PUS7: variants seen among roughly 807,000 people sequenced by gnomAD.
PUS7 encodes the protein pseudouridylate synthase 7 homolog.
A neutral mutation model predicts 79.8 loss-of-function variants in PUS7; 48 were observed. The observed-to-expected ratio is 0.60, with a 90% confidence interval of 0.48 to 0.76. The LOEUF (loss-of-function observed/expected upper bound fraction) is 0.76, where lower values mean the gene tolerates loss of function less well. PUS7 is among the 30% of genes least tolerant of loss of function. The pLI, the probability that PUS7 is intolerant of heterozygous loss-of-function variation, is 0.00. For synonymous variants in PUS7, 286 were observed against 272.2 expected, an observed-to-expected ratio of 1.05 and a Z score of -0.50; for missense variants, 729 against 797.6, an observed-to-expected ratio of 0.91 and a Z score of 1.04.
intron 9 of PUS7, among the ~76,000 whole-genome samples, chr7:105,480,211 C>CTT (rs1407202856): frequency 6.6e-6 from 1 of 152,144 alleles, no homozygotes; most frequent in Non-Finnish European, 1.5e-5. Context: ...GTGGCTCACA[C>CTT]TTGTAATCCC....
intron 9 of PUS7, among the ~76,000 whole-genome samples, chr7:105,474,741 A>G (rs1222064897): frequency 1.3e-5 from 2 of 152,324 alleles, no homozygotes; most frequent in East Asian, 3.9e-4. Flanking sequence ...AGATGGTGCC[A>G]CTGCACTCCA....
At chr7:105,481,227 C>A in intron 8 of PUS7, 50 bp from the exon 9 acceptor site, 1 of 1,538,282 alleles carries the variant, frequency 6.5e-7, no homozygotes, top group Non-Finnish European at 8.8e-7. Flanking sequence ...GTCAAATACT[C>A]AGGGATGCAG....
chr7:105,474,659 T>C (rs1824014336), intron 9 of PUS7, among the ~76,000 whole-genome samples: 1 of 150,490 alleles, frequency 6.6e-6, no homozygotes, highest in Non-Finnish European at 1.5e-5. Flanking sequence ...CACGTGCCTG[T>C]AGTCCCAGCT....
intron 15 of PUS7, among the ~76,000 whole-genome samples, chr7:105,458,175 G>A (rs1410139727): frequency 2.0e-5 from 3 of 152,116 alleles, no homozygotes; most frequent in East Asian, 1.9e-4. Flanking sequence ...AAAGAGAAAC[G>A]CATGTAAAGT....
rs1825547135 is a variant in PUS7, at chr7:105,508,160, T to C, written c.353A>G (p.Lys118Arg). Reference protein sequence around the residue: ...GLTEADVGITKFVSSHQGFSG... With the variant: ...GLTEADVGITRFVSSHQGFSG... ...GAACCCTTGATGAGAACTCACAAAC[T>C]TGGTGATGCCTACGTCAGCCTCAGT... The change falls in exon 2 of 16, where the codon AAG becomes AGG. Residue 118 changes from lysine (K) to arginine (R), a missense_variant. Coordinates refer to ENST00000469408, the MANE Select transcript of PUS7 (RefSeq NM_019042.5). 3 of 1,614,090 alleles carry C rather than the reference T, an allele frequency of 1.9e-6. No individual in the cohort carries two copies. Among genetic ancestry groups the C allele is most frequent in the African/African-American group, 2.7e-5 (2 of 74,938 alleles).
At chr7:105,518,349 T>C (rs1825973232) in intron 1 of PUS7, among the ~76,000 whole-genome samples, 1 of 151,830 alleles carries the variant, frequency 6.6e-6, no homozygotes, top group Non-Finnish European at 1.5e-5. Context: ...TAACAAAAAT[T>C]AAGTTTAGCA....
intron 7 of PUS7, among the ~76,000 whole-genome samples, chr7:105,488,935 T>C (rs186688955): frequency 0.011 from 1,720 of 151,922 alleles, 37 homozygotes; most frequent in African/African-American, 0.04. Context: ...GATCACGAGG[T>C]CAGGAGATCG....
At chr7:105,476,416 G>GCTAC (rs1190975419) in intron 9 of PUS7, among the ~76,000 whole-genome samples, 10 of 152,018 alleles carry the variant, frequency 6.6e-5, no homozygotes, top group Admixed American at 5.9e-4. Flanking sequence ...GGAGTGTAGT[G>GCTAC]CTACCATCTC....
At chr7:105,520,402 T>G (rs921522534) in intron 1 of PUS7, among the ~76,000 whole-genome samples, 1 of 137,986 alleles carries the variant, frequency 7.2e-6, no homozygotes, top group Non-Finnish European at 1.6e-5. Flanking sequence ...GAGCCTGCAG[T>G]GAGCCGAGAT....
chr7:105,505,980 T>C lies in PUS7; in HGVS notation c.560A>G (p.Asn187Ser), dbSNP rs575903035. ...QRLEELQLFK[N>S]KETSVAIEVI... ...CTCAATGGCAACACTGGTTTCCTTA[T>C]TTTTGAACAGCTGGAGCTCTTCCAA... Residue 187 changes from asparagine (N) to serine (S), a missense_variant, in exon 4 of 16, where the codon AAT (asparagine) becomes AGT (serine). Asn to Ser is a conservative substitution (Grantham distance 46). Transcript: ENST00000469408. The C allele has an allele frequency of 1.2e-6, 2 of 1,613,080 alleles. No homozygotes were observed. Among genetic ancestry groups the C allele is most frequent in the Admixed American group, 1.7e-5 (1 of 59,718 alleles).
At chr7:105,507,689 C>T (rs953938132) in intron 2 of PUS7, among the ~76,000 whole-genome samples, 16 of 152,022 alleles carry the variant, frequency 1.1e-4, no homozygotes, top group African/African-American at 3.4e-4. Context: ...TTACAGGTGC[C>T]CATCACCACG....
intron 9 of PUS7, among the ~76,000 whole-genome samples, chr7:105,475,219 T>C (rs28515734): frequency 0.1 from 15,880 of 152,066 alleles, 1,191 homozygotes; most frequent in African/African-American, 0.21. Context: ...GGAGTCTCGC[T>C]CTGTCACCCA....
At chr7:105,502,362 G>T in intron 5 of PUS7, 58 bp downstream of exon 5, 1 of 1,603,448 alleles carries the variant, frequency 6.2e-7, no homozygotes, top group South Asian at 1.1e-5. Flanking sequence ...GGCTAACGAG[G>T]AGCGGGGCCT....
At chr7:105,520,507 C>T (rs1188870005) in intron 1 of PUS7, among the ~76,000 whole-genome samples, 5 of 133,078 alleles carry the variant, frequency 3.8e-5, no homozygotes, top group Admixed American at 7.8e-5. Context: ...GGCGACAGAG[C>T]GAGACTGTCT....
At chr7:105,481,734 CTTTT>C (rs60700481) in intron 8 of PUS7, among the ~76,000 whole-genome samples, 1 of 143,060 alleles carries the variant, frequency 7.0e-6, no homozygotes. Context: ...GGCTCAGTGT[CTTTT>C]TTTTTTTTTT....
At chr7:105,496,311 T>C (rs1586153114) in intron 5 of PUS7, among the ~76,000 whole-genome samples, 1 of 151,502 alleles carries the variant, frequency 6.6e-6, no homozygotes, top group African/African-American at 2.4e-5. Context: ...TGTTTTTTTT[T>C]AAGTACTTTG....
At chr7:105,458,262 T>C (rs1382720119) in intron 15 of PUS7, among the ~76,000 whole-genome samples, 13 of 152,070 alleles carry the variant, frequency 8.5e-5, no homozygotes, top group Non-Finnish European at 1.9e-4. Flanking sequence ...ATTTAATTAA[T>C]TAATTAATTT....
At chr7:105,457,962 G>A (rs1320019377) in intron 15 of PUS7, 36 bp from the exon 16 acceptor site, 2 of 1,607,010 alleles carry the variant, frequency 1.2e-6, no homozygotes, top group African/African-American at 2.7e-5. Flanking sequence ...AGAAAATGAA[G>A]GCAGCTGCAG....
At chr7:105,518,766 A>T (rs1346034124) in intron 1 of PUS7, among the ~76,000 whole-genome samples, 1 of 150,312 alleles carries the variant, frequency 6.7e-6, no homozygotes. Context: ...ATTATTTTTT[A>T]TTTTATTTTG....
Sources: allele counts gnomAD v4.1 joint callset (sites outside exome capture counted in the v4.1 genomes callset), GRCh38; gene constraint gnomAD v4.1.1; transcripts MANE v1.5; gene names NCBI Gene and HGNC (gene_info 2026-07-23, HGNC 2026-07-21).